The following PRKCE variants were observed in gnomAD, a reference collection of about 807,000 sequenced individuals.
The protein encoded by PRKCE is protein kinase C epsilon, also known as protein kinase C epsilon type.
A neutral mutation model predicts 85.4 loss-of-function variants in PRKCE; 16 were observed. The ratio of observed to expected loss-of-function variants is 0.19; its 90% CI spans 0.13 to 0.28. PRKCE has a LOEUF of 0.28. PRKCE is among the 10% of genes least tolerant of loss of function. The pLI is 1.00. For missense variants in PRKCE, 573 were observed against 975.2 expected (o/e 0.59, Z 5.49); for synonymous variants, 388 against 371.5 (o/e 1.04, Z -0.51).
At chr2:45,799,108 G>C (rs1242721458) in intron 1 of PRKCE, among the ~76,000 whole-genome samples, 1 of 151,566 alleles carries the variant, frequency 6.6e-6, no homozygotes, top group African/African-American at 2.4e-5. Context: ...GGAGCTTGCA[G>C]TAACCTGAGA....
chr2:45,907,587 G>T lies in PRKCE; in HGVS notation c.412+64524G>T, dbSNP rs539653229. Among the ~76,000 whole-genome samples the T allele has an allele frequency of 9.2e-5, 14 of 152,314 alleles. No individual in the cohort carries two copies. The highest frequency in any genetic ancestry group is 6.5e-4 in the Admixed American group (10 of 15,300). ...GCGTGTGCCCAAGCCTGCTTCCCAT[G>T]TCACGTGTGTCATTTTCCCAGTGCC... On this transcript the variant is annotated intron_variant, in intron 2 of 14. Transcript: ENST00000306156. The surrounding 1 kb of genome is among the most constrained non-coding windows in gnomAD (Gnocchi z 4.5).
intron 7 of PRKCE, among the ~76,000 whole-genome samples, chr2:46,002,499 C>T (rs924559127): frequency 6.6e-6 from 1 of 152,192 alleles, no homozygotes; most frequent in Non-Finnish European, 1.5e-5. Context: ...AGAAGCTACC[C>T]GTGGCTCTTC....
chr2:45,740,866 A>G (rs1682501385), intron 1 of PRKCE, among the ~76,000 whole-genome samples: 1 of 152,228 alleles, frequency 6.6e-6, no homozygotes, highest in Non-Finnish European at 1.5e-5. Context: ...TGCAGATTAC[A>G]GAGTGGTTTG....
At chr2:46,108,881 G>A (rs1006866921) in intron 11 of PRKCE, among the ~76,000 whole-genome samples, 9 of 151,662 alleles carry the variant, frequency 5.9e-5, no homozygotes, top group African/African-American at 2.2e-4. Flanking sequence ...TGTGGAAGGT[G>A]TAAAGTCTAT....
At chr2:46,067,786 G>C (rs141414400) in intron 10 of PRKCE, among the ~76,000 whole-genome samples, 1 of 152,310 alleles carries the variant, frequency 6.6e-6, no homozygotes, top group Non-Finnish European at 1.5e-5. Flanking sequence ...TATCAAGCTA[G>C]ACAACTTGGT....
chr2:45,938,797 C>G (rs1469795380), intron 2 of PRKCE, among the ~76,000 whole-genome samples: 1 of 152,212 alleles, frequency 6.6e-6, no homozygotes, highest in Non-Finnish European at 1.5e-5. Flanking sequence ...TTCTTTCTCA[C>G]TCATCTACAG....
At chr2:45,772,810 G>T (rs1021722833) in intron 1 of PRKCE, among the ~76,000 whole-genome samples, 1 of 152,134 alleles carries the variant, frequency 6.6e-6, no homozygotes, top group Non-Finnish European at 1.5e-5. Flanking sequence ...GGCTGAAGAG[G>T]ACAAGGTGTC....
At chr2:45,765,439 G>A (rs948843759) in intron 1 of PRKCE, among the ~76,000 whole-genome samples, 8 of 152,228 alleles carry the variant, frequency 5.3e-5, no homozygotes, top group Non-Finnish European at 1.0e-4. Flanking sequence ...CCTTGAAGCT[G>A]TAGAGTAACC....
intron 2 of PRKCE, among the ~76,000 whole-genome samples, chr2:45,861,216 G>A (rs1693131841): frequency 6.6e-6 from 1 of 152,122 alleles, no homozygotes; most frequent in Non-Finnish European, 1.5e-5. Context: ...GGGTAGGGGT[G>A]GGCTTGAGGC....
intron 10 of PRKCE, among the ~76,000 whole-genome samples, chr2:46,040,985 A>G (rs550699345): frequency 3.2e-4 from 48 of 152,380 alleles, no homozygotes; most frequent in African/African-American, 1.1e-3. Context: ...TTGTAAGTTA[A>G]TCAGGGCACG....
chr2:46,014,671 T>C (rs567299793), intron 10 of PRKCE, among the ~76,000 whole-genome samples: 3 of 152,332 alleles, frequency 2.0e-5, no homozygotes, highest in Non-Finnish European at 4.4e-5. Context: ...TGCTAGACAC[T>C]GTGCTAGATT....
intron 6 of PRKCE, among the ~76,000 whole-genome samples, chr2:45,997,137 G>T (rs1317565787): frequency 6.6e-6 from 1 of 151,978 alleles, no homozygotes; most frequent in Non-Finnish European, 1.5e-5. Context: ...TTCTTTTAAT[G>T]CCCATAGGAT....
chr2:45,820,692 G>C lies in PRKCE; in HGVS notation c.349-22308G>C, dbSNP rs535714505. Among the ~76,000 whole-genome samples, 5 of 152,308 alleles carry C rather than the reference G, an allele frequency of 3.3e-5. No homozygotes were observed. In the South Asian group the frequency reaches 1.0e-3, roughly 32 times the overall value. The stretch of plus-strand genomic sequence containing the variant: ...GTTTCCCGACACAAATGCAATTGAA[G>C]TTTTCAAACTGAAAGCTTCTCTGTC... On this transcript the variant is annotated intron_variant, in intron 1 of 14. Coordinates refer to ENST00000306156, the MANE Select transcript of PRKCE (RefSeq NM_005400.3).
At chr2:46,144,306 A>T (rs1223795498) in intron 11 of PRKCE, among the ~76,000 whole-genome samples, 1 of 152,132 alleles carries the variant, frequency 6.6e-6, no homozygotes, top group Non-Finnish European at 1.5e-5. Context: ...TAGGAAAGTG[A>T]TCTTACAAAT....
At chr2:45,688,993 T>A (rs1275470626) in intron 1 of PRKCE, among the ~76,000 whole-genome samples, 1 of 152,184 alleles carries the variant, frequency 6.6e-6, no homozygotes, top group African/African-American at 2.4e-5. Flanking sequence ...AGAGCTAATG[T>A]GGCCAGAACA....
chr2:45,963,096 C>T (rs1292561175), intron 2 of PRKCE, among the ~76,000 whole-genome samples: 3 of 152,096 alleles, frequency 2.0e-5, no homozygotes, highest in African/African-American at 7.2e-5. Context: ...GTCTATCTCC[C>T]AGTGCCCTGC....
intron 1 of PRKCE, among the ~76,000 whole-genome samples, chr2:45,753,476 A>T (rs1683752367): frequency 6.6e-6 from 1 of 150,924 alleles, no homozygotes; most frequent in Admixed American, 6.6e-5. Context: ...TATACCAAAA[A>T]AGTAATATCA....
intron 2 of PRKCE, among the ~76,000 whole-genome samples, chr2:45,943,502 ATTTAGTTTTACAAGATTAACTAT>A: frequency 6.6e-6 from 1 of 152,242 alleles, no homozygotes; most frequent in Non-Finnish European, 1.5e-5. Flanking sequence ...GTTAGTTGTA[ATTTAGTTTTACAAGATTAACTAT>A]TTTTCTCCCA....
At chr2:45,941,175 A>T (rs968528941) in intron 2 of PRKCE, among the ~76,000 whole-genome samples, 1 of 152,090 alleles carries the variant, frequency 6.6e-6, no homozygotes, top group South Asian at 2.1e-4. Context: ...AAAGCAATAC[A>T]GTAGCCTAGT....
Sources: allele counts gnomAD v4.1 joint callset (sites outside exome capture counted in the v4.1 genomes callset), GRCh38; gene constraint gnomAD v4.1.1; non-coding constraint Gnocchi (gnomAD v3.1); transcripts MANE v1.5; gene names NCBI Gene and HGNC (gene_info 2026-07-23, HGNC 2026-07-21).